The following PPRC1 variants were observed in gnomAD, a reference collection of about 807,000 sequenced individuals.
The protein encoded by PPRC1 is PPARG related coactivator 1.
PPRC1 carries 23 observed loss-of-function variants against 132.5 expected under a neutral mutation model. The observed-to-expected ratio is 0.17, with a 90% CI of 0.12 to 0.25. The LOEUF is 0.25. Ranked by LOEUF, PPRC1 falls within the 10% of genes least tolerant of loss-of-function variation. The pLI, the probability that PPRC1 is intolerant of heterozygous loss-of-function variation, is 1.00. For missense variants in PPRC1, 2,006 were observed against 2,089.1 expected, an observed-to-expected ratio of 0.96 and a Z score of 0.78; for synonymous variants, 872 against 833.5, an observed-to-expected ratio of 1.05 and a Z score of -0.80.
chr10:102,138,860 GTCTTTCTTTCCC>G lies in PPRC1; in HGVS notation c.490-14_490-3del. ...GCTCTGAAGCATAGACTGATCTCAG[GTCTTTCTTTCCC>G]TCTTAGCTGCACAAGCTGCTTACTC... On this transcript the variant is annotated splice_polypyrimidine_tract_variant and splice_region_variant and intron_variant, in intron 3 of 13. Transcript: ENST00000278070. 1 of 1,613,002 alleles carries G rather than the reference GTCTTTCTTTCCC, an allele frequency of 6.2e-7. No homozygotes were observed. The highest frequency in any genetic ancestry group is 8.5e-7 in the Non-Finnish European group (1 of 1,179,006).
chr10:102,129,803 C>T (rs2068514789), upstream of PPRC1, among the ~76,000 whole-genome samples: 1 of 152,040 alleles, frequency 6.6e-6, no homozygotes, highest in Non-Finnish European at 1.5e-5. Flanking sequence ...CAGGGTTTTG[C>T]CATGTTGGCC....
Position 102,138,942 on chromosome 10 carries a change from C to T in PPRC1, c.553C>T (p.Pro185Ser), listed in dbSNP as rs1277191483. 3 of 1,614,172 alleles carry T rather than the reference C, an allele frequency of 1.9e-6. No homozygotes were observed. In the Admixed American group the frequency reaches 5.0e-5, roughly 27 times the overall value. The change falls in exon 4 of 14, where the codon CCA becomes TCA. Residue 185 changes from proline (P) to serine (S), a missense_variant. Physicochemically the swap from Pro to Ser is moderately conservative, Grantham distance 74 (BLOSUM62 -1). Coordinates refer to ENST00000278070, the MANE Select transcript of PPRC1 (RefSeq NM_015062.5). ...ACGTGACCTCATCACCCCAGTTGACCCACTGGGGCCCAGTACAGGCAGCAG... is the reference window on the plus strand; with the variant it reads ...ACGTGACCTCATCACCCCAGTTGACTCACTGGGGCCCAGTACAGGCAGCAG... The part of the protein sequence containing the change: ...PERDLITPVD[P>S]LGPSTGSSRG...
Position 102,143,112 on chromosome 10 carries a change from G to C in PPRC1, c.3550+14G>C. The C allele has an allele frequency of 6.2e-7, 1 of 1,610,034 alleles. No individual in the cohort carries two copies. On this transcript the variant is annotated intron_variant, in intron 6 of 13. Transcript: ENST00000278070. ...AGAAATCAGAAGGTGAGGGAACATG[G>C]GTAGTTTTGCTCCAACTCTTTTTTT...
Position 102,148,429 on chromosome 10 carries a change from ATCTTCCTCTTCG to A in PPRC1, c.4467_4478del (p.Ser1496_Ser1499del), listed in dbSNP as rs1320882726. The A allele has an allele frequency of 1.1e-5, 18 of 1,611,638 alleles. No homozygotes were observed. The highest frequency in any genetic ancestry group is 1.5e-5 in the Non-Finnish European group (18 of 1,178,022). On this transcript the variant is annotated inframe_deletion, in exon 10 of 14. Coordinates refer to ENST00000278070, the MANE Select transcript of PPRC1 (RefSeq NM_015062.5). This position sits in a 1 kb window ranked among gnomAD's most constrained non-coding sequence, Gnocchi z 4.2. ...GATGCTCTTCCTCTTCTTCGTCATC[ATCTTCCTCTTCG>A]TCTTCCTCATCCTCATCATCCAGTT...
At chr10:102,124,956 T>C in the PPRC1 span, among the ~76,000 whole-genome samples, 1 of 152,006 alleles carries the variant, frequency 6.6e-6, no homozygotes, top group South Asian at 2.1e-4. Flanking sequence ...GGCCCTTGTT[T>C]TTTGTTTTTT....
chr10:102,141,095 C>T lies in PPRC1; in HGVS notation c.2587C>T (p.Gln863Ter). The change falls in exon 5 of 14, where the codon CAG becomes TAG. Residue 863 changes from glutamine (Q) to a stop codon, truncating the protein, a stop_gained. Coordinates refer to ENST00000278070, the MANE Select transcript of PPRC1 (RefSeq NM_015062.5). LOFTEE classifies it high-confidence loss of function. Reference sequence around the variant, plus strand: ...GTTGGCGAGACCTTCCCCTCCTGTGCAGTCTGTGTCCCCTGCTGTGCCCAC... The same window carrying T: ...GTTGGCGAGACCTTCCCCTCCTGTGTAGTCTGTGTCCCCTGCTGTGCCCAC... ...PLLARPSPPVQSVSPAVPTPP... is the reference protein window; with the variant it reads ...PLLARPSPPV 1 of 1,614,116 alleles carries T rather than the reference C, an allele frequency of 6.2e-7. No homozygotes were observed.
At chr10:102,143,619 A>AT (rs2069095153) in intron 6 of PPRC1, among the ~76,000 whole-genome samples, 1 of 149,496 alleles carries the variant, frequency 6.7e-6, no homozygotes, top group Admixed American at 6.7e-5. Flanking sequence ...AAAAAAAAAA[A>AT]GGAATCCAAG....
At chr10:102,133,415 C>T (rs1375274230) in intron 1 of PPRC1, among the ~76,000 whole-genome samples, 194 bp downstream of exon 1, 1 of 152,098 alleles carries the variant, frequency 6.6e-6, no homozygotes. Flanking sequence ...TACGGCCATT[C>T]CTGGGGGACG....
rs778642101 is a variant in PPRC1 at position 102,146,764 on chromosome 10, G to A, written c.3772G>A (p.Ala1258Thr). The A allele has an allele frequency of 4.3e-5, 70 of 1,613,824 alleles. No individual in the cohort carries two copies. The highest frequency in any genetic ancestry group is 1.2e-4 in the Admixed American group (7 of 59,986). ...LAKAKSPKST[A>T]QEGTLKPEGV... Reference sequence around the variant, plus strand: ...CAAAGCCAAATCTCCTAAGTCCACCGCCCAGGAGGGAACCCTGAAGCCTGA... The same window carrying A: ...CAAAGCCAAATCTCCTAAGTCCACCACCCAGGAGGGAACCCTGAAGCCTGA... The change falls in exon 9 of 14, where the codon GCC becomes ACC. Residue 1258 changes from alanine to threonine, a missense_variant. Coordinates refer to ENST00000278070, the MANE Select transcript of PPRC1 (RefSeq NM_015062.5).
At chr10:102,143,598 CAAAAAAAAA>C (rs774584823) in intron 6 of PPRC1, among the ~76,000 whole-genome samples, 1 of 57,908 alleles carries the variant, frequency 1.7e-5, no homozygotes. Flanking sequence ...GACTCTGTCT[CAAAAAAAAA>C]AAAAAAAAAA....
At position 102,140,586 on chromosome 10, in the gene PPRC1, C is replaced by T. The variant is rs148483371; in HGVS notation, c.2078C>T (p.Pro693Leu). The change falls in exon 5 of 14, where the codon CCC (proline) becomes CTC (leucine). Residue 693 changes from proline (P) to leucine (L), a missense_variant. By Grantham distance (98) the Pro-to-Leu change is moderately conservative. Around this residue, in one of 2 missense-constraint regions of PPRC1, gnomAD observed 1,914 missense variants for 1,917.2 expected, o/e 1.00. Coordinates refer to ENST00000278070, the MANE Select transcript of PPRC1 (RefSeq NM_015062.5). ...CTAGTTAAGTCCAGACCAACTGATCCCAGACGTGGTGCAGTGTCATCAGCC... is the reference window on the plus strand; with the variant it reads ...CTAGTTAAGTCCAGACCAACTGATCTCAGACGTGGTGCAGTGTCATCAGCC... The part of the protein sequence containing the change: ...PVLVKSRPTD[P>L]RRGAVSSALG... 3.7e-6 allele frequency: 6 copies of T among 1,614,100 alleles called. No individual in the cohort carries two copies. Among genetic ancestry groups the T allele is most frequent in the East Asian group, 2.2e-5 (1 of 44,878 alleles).
chr10:102,138,929 C>T lies in PPRC1; in HGVS notation c.540C>T (p.Ile180=), dbSNP rs1362595219. The T allele has an allele frequency of 1.2e-6, 2 of 1,614,230 alleles. No individual in the cohort carries two copies. The highest frequency in any genetic ancestry group is 1.7e-6 in the Non-Finnish European group (2 of 1,180,022). Residue 180 remains isoleucine (I), a synonymous_variant, in exon 4 of 14, where the codon ATC becomes ATT. Coordinates refer to ENST00000278070, the MANE Select transcript of PPRC1 (RefSeq NM_015062.5). Reference sequence around the variant, plus strand: ...GGACACCCCCAGAACGTGACCTCATCACCCCAGTTGACCCACTGGGGCCCA... The same window carrying T: ...GGACACCCCCAGAACGTGACCTCATTACCCCAGTTGACCCACTGGGGCCCA... ...LSRTPPERDL[I]TPVDPLGPST... is the part of the protein sequence containing the mutation.
At chr10:102,120,233 C>G in the PPRC1 span, 3 of 983,420 alleles carry the variant, frequency 3.1e-6, no homozygotes, top group Non-Finnish European at 3.6e-6. Flanking sequence ...CGGCCCGGCC[C>G]GGCCTCGGCC....
the PPRC1 span, among the ~76,000 whole-genome samples, chr10:102,123,827 C>T: frequency 6.7e-6 from 1 of 149,336 alleles, no homozygotes; most frequent in Non-Finnish European, 1.5e-5. Context: ...AGCCACCACG[C>T]CCGGCCTTTT....
the PPRC1 span, among the ~76,000 whole-genome samples, chr10:102,124,104 C>T: frequency 3.3e-5 from 5 of 150,832 alleles, no homozygotes; most frequent in African/African-American, 4.9e-5. Context: ...TCGCTCTTGT[C>T]GCCCAGACTG....
At position 102,146,893 on chromosome 10, in the gene PPRC1, C is replaced by T. The variant is rs781647308; in HGVS notation, c.3901C>T (p.Arg1301Trp). 37 of 1,613,958 alleles carry T rather than the reference C, an allele frequency of 2.3e-5. No individual in the cohort carries two copies. In the South Asian group the frequency reaches 3.4e-4, roughly 15 times the overall value. The change falls in exon 9 of 14, where the codon CGG (arginine) becomes TGG (tryptophan). Residue 1301 changes from arginine (R) to tryptophan (W), a missense_variant. Around this residue, in one of 2 missense-constraint regions of PPRC1, gnomAD observed 1,914 missense variants for 1,917.2 expected, o/e 1.00. Coordinates refer to ENST00000278070, the MANE Select transcript of PPRC1 (RefSeq NM_015062.5). The stretch of plus-strand genomic sequence containing the variant: ...CTCTGGGGACCATGACTATTGTGTC[C>T]GGAGCAGGACCCCCCCAAAAAAGAT... The part of the protein sequence containing the change: ...VGSGDHDYCV[R>W]SRTPPKKMPA...
At chr10:102,127,317 T>G in the PPRC1 span, among the ~76,000 whole-genome samples, 144 of 151,908 alleles carry the variant, frequency 9.5e-4, no homozygotes, top group African/African-American at 3.4e-3. Context: ...AGAGGTTCAG[T>G]GGGCTGAGAC....
upstream of PPRC1, among the ~76,000 whole-genome samples, chr10:102,131,051 T>C (rs1182889070): frequency 6.6e-6 from 1 of 151,490 alleles, no homozygotes; most frequent in Non-Finnish European, 1.5e-5. Context: ...ACAAATTAGC[T>C]GGGTGTGGTG....
chr10:102,136,802 A>G (rs2068739921), intron 1 of PPRC1, among the ~76,000 whole-genome samples: 1 of 152,092 alleles, frequency 6.6e-6, no homozygotes, highest in Non-Finnish European at 1.5e-5. Flanking sequence ...TGGCCTCACC[A>G]CTACCATTCT....
Sources: gnomAD v4.1 joint callset for allele counts (sites outside exome capture counted in the v4.1 genomes callset) on GRCh38, gnomAD v4.1.1 for gene constraint, gnomAD v4.1.1 regional missense constraint, Gnocchi (gnomAD v3.1) non-coding constraint, MANE v1.5 for transcripts, NCBI Gene and HGNC (gene_info 2026-07-23, HGNC 2026-07-21) for gene names.